NTM: variants seen among roughly 807,000 people sequenced by gnomAD.
NTM encodes neurotrimin.
Under a neutral mutation model 42.1 loss-of-function variants are expected in NTM, and 13 were observed. The observed-to-expected ratio is 0.31, with a 90% CI of 0.20 to 0.49. The LOEUF (loss-of-function observed/expected upper bound fraction) is 0.49. NTM is among the 20% of genes least tolerant of loss of function. The probability of loss-of-function intolerance (pLI) is 0.99; values close to 1 mark genes in which losing one functional copy is unlikely to be tolerated. For missense variants in NTM, 373 were observed against 452.8 expected (o/e 0.82, Z 1.60); for synonymous variants, 187 against 179.2 (o/e 1.04, Z -0.35).
chr11:131,803,793 C>T (rs1428368246), intron 1 of NTM, among the ~76,000 whole-genome samples: 2 of 152,212 alleles, frequency 1.3e-5, no homozygotes. Context: ...TTGTGGGCTC[C>T]TCCGCCTTGT....
At chr11:131,493,499 A>C (rs543460623) in intron 1 of NTM, among the ~76,000 whole-genome samples, 162 of 152,276 alleles carry the variant, frequency 1.1e-3, no homozygotes, top group African/African-American at 3.8e-3. Context: ...TTCTCTTTGA[A>C]CCCACAGCTC....
chr11:131,431,258 G>T (rs954001782), intron 1 of NTM, among the ~76,000 whole-genome samples: 9 of 152,136 alleles, frequency 5.9e-5, no homozygotes, highest in African/African-American at 2.2e-4. Context: ...AAGGATGCCC[G>T]AGGGGAAGGT....
At chr11:131,852,798 C>G (rs1383459782) in intron 1 of NTM, among the ~76,000 whole-genome samples, 1 of 151,824 alleles carries the variant, frequency 6.6e-6, no homozygotes, top group Non-Finnish European at 1.5e-5. Context: ...CATCTAACCA[C>G]CCATTCATCC....
At chr11:132,149,956 A>G (rs1239564632) in intron 3 of NTM, among the ~76,000 whole-genome samples, 1 of 152,200 alleles carries the variant, frequency 6.6e-6, no homozygotes, top group East Asian at 1.9e-4. Flanking sequence ...ATGCAAGACT[A>G]CTGTTCCCTT....
At chr11:131,517,353 T>G (rs1415518587) in intron 1 of NTM, among the ~76,000 whole-genome samples, 1 of 152,190 alleles carries the variant, frequency 6.6e-6, no homozygotes, top group African/African-American at 2.4e-5. Flanking sequence ...GAAACTCCCT[T>G]TCCTTTTTAC....
Position 132,047,023 on chromosome 11 carries a change from AC to A in NTM, c.168-99256del, listed in dbSNP as rs144023100. Among the ~76,000 whole-genome samples the A allele has an allele frequency of 2.7e-3, 416 of 152,324 alleles. 3 individuals are homozygous for A. Among genetic ancestry groups the A allele is most frequent in the African/African-American group, 9.5e-3 (394 of 41,580 alleles). ...AGTTAATCTCCGTTTTACCCATGGA[AC>A]CCTGGGCTCAGAGATCATTTCCTGT... On this transcript the variant is annotated intron_variant, in intron 2 of 8. Transcript: ENST00000683400.
rs1269822959 is a variant in NTM, at chr11:131,599,236, C to T, written c.82+228348C>T. Among the ~76,000 whole-genome samples the T allele has an allele frequency of 2.6e-5, 4 of 152,112 alleles. 2 individuals are homozygous for T. Among genetic ancestry groups the T allele is most frequent in the South Asian group, 4.1e-4 (2 of 4,826 alleles). On this transcript the variant is annotated intron_variant, in intron 1 of 8. Transcript: ENST00000683400. ...GGCCTGTTTTCTCATTTTGATGCATCGGCCCGAGTGTGCCATGCCCTGTCT... is the reference window on the plus strand; with the variant it reads ...GGCCTGTTTTCTCATTTTGATGCATTGGCCCGAGTGTGCCATGCCCTGTCT...
chr11:132,173,806 T>C (rs2076417858), intron 3 of NTM, among the ~76,000 whole-genome samples: 1 of 152,240 alleles, frequency 6.6e-6, no homozygotes, highest in African/African-American at 2.4e-5. Flanking sequence ...TACTGTTGCT[T>C]CCACTCTCTT....
intron 2 of NTM, among the ~76,000 whole-genome samples, chr11:132,104,474 A>G (rs2062018468): frequency 6.6e-6 from 1 of 151,958 alleles, no homozygotes; most frequent in African/African-American, 2.4e-5. Context: ...GATTTCAGCC[A>G]GGTGCAGTGA....
At chr11:131,500,862 G>A (rs1047013908) in intron 1 of NTM, among the ~76,000 whole-genome samples, 5 of 150,778 alleles carry the variant, frequency 3.3e-5, no homozygotes, top group Non-Finnish European at 7.4e-5. Flanking sequence ...CCTTGTGATA[G>A]CTTGCTGAGA....
intron 1 of NTM, among the ~76,000 whole-genome samples, chr11:131,803,249 C>G (rs1165611356): frequency 1.3e-5 from 2 of 152,032 alleles, no homozygotes; most frequent in Non-Finnish European, 2.9e-5. Flanking sequence ...CACCTGTTTC[C>G]TTCCCAGAAA....
intron 1 of NTM, among the ~76,000 whole-genome samples, chr11:131,862,767 T>G (rs1446914176): frequency 6.6e-6 from 1 of 152,194 alleles, no homozygotes; most frequent in Non-Finnish European, 1.5e-5. Flanking sequence ...CCTCGAAATA[T>G]GAGTTATTGG....
chr11:131,980,551 C>G (rs1277343475), intron 2 of NTM, among the ~76,000 whole-genome samples: 1 of 152,146 alleles, frequency 6.6e-6, no homozygotes, highest in Admixed American at 6.5e-5. Context: ...GAACAATTAC[C>G]TGAATTTTGC....
At chr11:132,196,171 G>A (rs2080173176) in intron 3 of NTM, among the ~76,000 whole-genome samples, 1 of 152,084 alleles carries the variant, frequency 6.6e-6, no homozygotes, top group South Asian at 2.1e-4. Context: ...AGACATACAT[G>A]TGGCTAAGAA....
intron 1 of NTM, among the ~76,000 whole-genome samples, chr11:131,472,714 A>G (rs541655724): frequency 6.6e-6 from 1 of 152,318 alleles, no homozygotes; most frequent in Non-Finnish European, 1.5e-5. Context: ...CAATGAATAA[A>G]TGTAATTTTA....
chr11:132,027,715 G>A (rs942940820), intron 2 of NTM, among the ~76,000 whole-genome samples: 4 of 152,102 alleles, frequency 2.6e-5, no homozygotes, highest in African/African-American at 9.7e-5. Context: ...GATATGCCTA[G>A]GTGTAGTTTT....
intron 2 of NTM, among the ~76,000 whole-genome samples, chr11:132,120,736 T>G (rs1466382383): frequency 2.0e-5 from 3 of 152,170 alleles, no homozygotes; most frequent in South Asian, 4.1e-4. Flanking sequence ...CAGAGAGAGA[T>G]ATGCCAATAG....
intron 1 of NTM, among the ~76,000 whole-genome samples, chr11:131,520,784 T>C (rs1343597540): frequency 6.6e-6 from 1 of 152,118 alleles, no homozygotes; most frequent in East Asian, 1.9e-4. Flanking sequence ...ACCTACCTAC[T>C]CAGCATTCTT....
At chr11:131,449,751 C>T (rs142195164) in intron 1 of NTM, among the ~76,000 whole-genome samples, 1,640 of 152,302 alleles carry the variant, frequency 0.011, 27 homozygotes, top group African/African-American at 0.035. Context: ...CCTGTCCTCC[C>T]CATGCAGGAC....
Sources: allele counts gnomAD v4.1 joint callset (sites outside exome capture counted in the v4.1 genomes callset), GRCh38; gene constraint gnomAD v4.1.1; transcripts MANE v1.5; gene names NCBI Gene and HGNC (gene_info 2026-07-23, HGNC 2026-07-21).